The following KAZN variants were observed in gnomAD, a reference collection of about 807,000 sequenced individuals.
KAZN encodes the protein kazrin.
Under a neutral mutation model 87.4 loss-of-function variants are expected in KAZN, and 40 were observed. The observed-to-expected ratio is 0.46, with a 90% confidence interval of 0.36 to 0.60. KAZN has a LOEUF of 0.60. Among genes scored for constraint, KAZN ranks in the 20% least tolerant of loss-of-function variants. The pLI, the probability that KAZN is intolerant of heterozygous loss-of-function variation, is 0.00. For synonymous variants in KAZN, 466 were observed against 458.3 expected, an observed-to-expected ratio of 1.02 and a Z score of -0.22; for missense variants, 898 against 1,073.9, an observed-to-expected ratio of 0.84 and a Z score of 2.29.
intron 2 of KAZN, among the ~76,000 whole-genome samples, chr1:14,303,660 T>G (rs1454291337): frequency 6.6e-6 from 1 of 152,218 alleles, no homozygotes; most frequent in African/African-American, 2.4e-5. Flanking sequence ...GGTCCCAGAA[T>G]GAACAAGGCT....
chr1:14,226,228 C>T (rs917821631), intron 2 of KAZN, among the ~76,000 whole-genome samples: 1 of 151,978 alleles, frequency 6.6e-6, no homozygotes, highest in Non-Finnish European at 1.5e-5. Flanking sequence ...CAAACAATCT[C>T]GTTAAAAAAT....
At chr1:14,982,211 C>T (rs1666315548) in intron 2 of KAZN, among the ~76,000 whole-genome samples, 1 of 132,942 alleles carries the variant, frequency 7.5e-6, no homozygotes, top group African/African-American at 2.8e-5. Flanking sequence ...CGGGTCAGCA[C>T]TCCGGCCGTT....
At chr1:14,903,207 T>G (rs955304967) in intron 1 of KAZN, among the ~76,000 whole-genome samples, 4 of 152,052 alleles carry the variant, frequency 2.6e-5, no homozygotes, top group African/African-American at 9.7e-5. Flanking sequence ...ATCACCCACT[T>G]AGGATGCCAA....
At chr1:14,665,291 C>T (rs1225079115) in intron 1 of KAZN, among the ~76,000 whole-genome samples, 4 of 147,914 alleles carry the variant, frequency 2.7e-5, no homozygotes, top group African/African-American at 9.9e-5. Context: ...GTGGCTGCCT[C>T]TTTTTTTTTT....
At chr1:15,000,516 G>T (rs1159064383) in intron 2 of KAZN, among the ~76,000 whole-genome samples, 1 of 151,734 alleles carries the variant, frequency 6.6e-6, no homozygotes, top group Non-Finnish European at 1.5e-5. Context: ...ACCTCGGGGG[G>T]TACAGAGGGT....
chr1:14,797,726 G>A (rs1038416143), intron 1 of KAZN, among the ~76,000 whole-genome samples: 5 of 152,106 alleles, frequency 3.3e-5, no homozygotes, highest in African/African-American at 1.2e-4. Flanking sequence ...GCTCCACCTT[G>A]GACTAGTTAC....
chr1:14,058,154 C>T (rs1429320505), intron 1 of KAZN, among the ~76,000 whole-genome samples: 2 of 152,172 alleles, frequency 1.3e-5, no homozygotes, highest in Admixed American at 6.5e-5. Context: ...CCCCTCCCTC[C>T]ACCTTCCCCC....
chr1:14,483,955 T>C (rs1417202887), intron 2 of KAZN, among the ~76,000 whole-genome samples: 2 of 152,240 alleles, frequency 1.3e-5, no homozygotes, highest in Non-Finnish European at 2.9e-5. Flanking sequence ...TGTGAGATAA[T>C]GGTCTAATTT....
intron 1 of KAZN, among the ~76,000 whole-genome samples, chr1:14,940,898 C>CTTTTTTTTTTTTTTTTTTTT (rs66777443): frequency 1.8e-5 from 1 of 54,404 alleles, no homozygotes; most frequent in African/African-American, 8.3e-5. Flanking sequence ...TTCTACCTTT[C>CTTTTTTTTTTTTTTTTTTTT]TTTTTTTTTT....
chr1:14,761,248 G>C lies in KAZN; in HGVS notation c.226+162025G>C, dbSNP rs182095574. ...CTTCCTGGAGCCCCCTGCCTTGCTGGCTCCTGCTCATCACTCAAGTGTCAG... is the reference window on the plus strand; with the variant it reads ...CTTCCTGGAGCCCCCTGCCTTGCTGCCTCCTGCTCATCACTCAAGTGTCAG... On this transcript the variant is annotated intron_variant, in intron 1 of 14. Transcript: ENST00000376030. 3.6e-4 allele frequency among the ~76,000 whole-genome samples: 55 copies of C among 152,252 alleles called. 1 individual carries two copies. In the East Asian group the frequency reaches 0.01, roughly 28 times the overall value.
At chr1:14,845,869 G>A (rs1648692628) in intron 1 of KAZN, among the ~76,000 whole-genome samples, 1 of 152,166 alleles carries the variant, frequency 6.6e-6, no homozygotes, top group Non-Finnish European at 1.5e-5. Flanking sequence ...GCCCCAGAGA[G>A]ATGGAGAGTG....
intron 2 of KAZN, among the ~76,000 whole-genome samples, chr1:14,328,430 A>G (rs745375986): frequency 2.0e-5 from 3 of 152,176 alleles, no homozygotes; most frequent in Non-Finnish European, 4.4e-5. Context: ...GAGGCCAGGC[A>G]TGGTGGCTGA....
At chr1:14,441,368 C>T (rs570751269) in intron 2 of KAZN, among the ~76,000 whole-genome samples, 8 of 152,126 alleles carry the variant, frequency 5.3e-5, no homozygotes, top group South Asian at 4.2e-4. Flanking sequence ...CGGGCAGCAG[C>T]GGCAGCGGCA....
intron 2 of KAZN, among the ~76,000 whole-genome samples, chr1:14,268,102 A>G (rs1651637653): frequency 1.3e-5 from 2 of 152,240 alleles, no homozygotes; most frequent in South Asian, 2.1e-4. Context: ...CCTTTCAGGT[A>G]CCTGCAATCA....
At chr1:14,313,808 TA>T in intron 2 of KAZN, among the ~76,000 whole-genome samples, 1 of 152,076 alleles carries the variant, frequency 6.6e-6, no homozygotes, top group Non-Finnish European at 1.5e-5. Flanking sequence ...CAAAGACATA[TA>T]AAATCGGCCA....
At chr1:14,093,665 A>C (rs1311262389) in intron 1 of KAZN, among the ~76,000 whole-genome samples, 2 of 152,142 alleles carry the variant, frequency 1.3e-5, no homozygotes, top group African/African-American at 2.4e-5. Context: ...TGAAAAAAAA[A>C]CAAAAACAAA....
At chr1:14,003,634 T>C (rs1315123888) in intron 1 of KAZN, among the ~76,000 whole-genome samples, 4 of 152,218 alleles carry the variant, frequency 2.6e-5, no homozygotes. Context: ...GGTGAAATTA[T>C]TTTTATTTCA....
intron 2 of KAZN, among the ~76,000 whole-genome samples, chr1:14,338,981 A>G (rs1344524037): frequency 6.6e-6 from 1 of 152,076 alleles, no homozygotes; most frequent in Admixed American, 6.6e-5. Context: ...CTTGGGACCA[A>G]TGTGATGAAG....
intron 1 of KAZN, among the ~76,000 whole-genome samples, chr1:14,627,249 C>T (rs1679211775): frequency 6.6e-6 from 1 of 151,934 alleles, no homozygotes; most frequent in South Asian, 2.1e-4. Flanking sequence ...CCAAGCGTCT[C>T]AGCATCCAAA....
Sources: allele counts gnomAD v4.1 joint callset (sites outside exome capture counted in the v4.1 genomes callset), GRCh38; gene constraint gnomAD v4.1.1; transcripts MANE v1.5; gene names NCBI Gene and HGNC (gene_info 2026-07-23, HGNC 2026-07-21).